The following SCFD2 variants were observed in gnomAD, a reference collection of about 807,000 sequenced individuals.
The protein encoded by SCFD2 is sec1 family domain containing 2, also known as sec1 family domain-containing protein 2.
SCFD2 carries 54 observed loss-of-function variants against 58.9 expected under a neutral mutation model. The ratio of observed to expected loss-of-function variants is 0.92; its 90% CI spans 0.74 to 1.15. SCFD2 has a LOEUF of 1.15. Ranked by LOEUF, SCFD2 falls within the 50% of genes most tolerant of loss-of-function variation. The pLI, the probability that SCFD2 is intolerant of heterozygous loss-of-function variation, is 0.00. For synonymous variants in SCFD2, 321 were observed against 335.9 expected, an observed-to-expected ratio of 0.96 and a Z score of 0.49; for missense variants, 805 against 836.6, an observed-to-expected ratio of 0.96 and a Z score of 0.47.
chr4:53,350,522 C>T (rs1412427889), intron 2 of SCFD2, among the ~76,000 whole-genome samples: 1 of 152,130 alleles, frequency 6.6e-6, no homozygotes, highest in African/African-American at 2.4e-5. Flanking sequence ...CCCTTTATTG[C>T]TTAAATTAGC....
At chr4:53,344,020 T>C (rs1309852439) in intron 2 of SCFD2, among the ~76,000 whole-genome samples, 2 of 152,114 alleles carry the variant, frequency 1.3e-5, no homozygotes, top group East Asian at 3.9e-4. Context: ...CTGGAAGCAT[T>C]CCCTTTGAAA....
chr4:53,196,737 C>A, intron 4 of SCFD2, among the ~76,000 whole-genome samples: 1 of 151,304 alleles, frequency 6.6e-6, no homozygotes, highest in African/African-American at 2.4e-5. Context: ...AAAGCAATAT[C>A]CATAAAAAGG....
At chr4:52,906,826 C>T (rs1719359307) in intron 7 of SCFD2, among the ~76,000 whole-genome samples, 1 of 152,196 alleles carries the variant, frequency 6.6e-6, no homozygotes. Context: ...ACTGAGAGGT[C>T]AGCCTGTAAT....
chr4:53,004,857 G>A (rs1721939348), intron 5 of SCFD2, among the ~76,000 whole-genome samples: 1 of 152,120 alleles, frequency 6.6e-6, no homozygotes, highest in Non-Finnish European at 1.5e-5. Flanking sequence ...CATTCCCCCA[G>A]CACCCATGAA....
chr4:53,052,435 A>C (rs1286006224), intron 5 of SCFD2, among the ~76,000 whole-genome samples: 1 of 152,210 alleles, frequency 6.6e-6, no homozygotes, highest in Non-Finnish European at 1.5e-5. Context: ...ACTGGCATCT[A>C]GTACATTCTC....
At chr4:53,110,789 T>G (rs1725147539) in intron 5 of SCFD2, among the ~76,000 whole-genome samples, 1 of 152,190 alleles carries the variant, frequency 6.6e-6, no homozygotes, top group Non-Finnish European at 1.5e-5. Context: ...CAATTCCTCA[T>G]GGATCTAGAA....
chr4:53,220,856 T>C (rs975706403), intron 4 of SCFD2, among the ~76,000 whole-genome samples: 1 of 152,240 alleles, frequency 6.6e-6, no homozygotes, highest in African/African-American at 2.4e-5. Context: ...AAGCCCTAAT[T>C]CAAATTACAT....
chr4:53,067,161 C>G (rs1723685274), intron 5 of SCFD2, among the ~76,000 whole-genome samples: 1 of 152,018 alleles, frequency 6.6e-6, no homozygotes, highest in Non-Finnish European at 1.5e-5. Flanking sequence ...TTTCCTTCTA[C>G]TTTTTATCTT....
intron 5 of SCFD2, among the ~76,000 whole-genome samples, chr4:52,935,833 TTTTTC>T (rs1036890655): frequency 1.3e-5 from 2 of 152,120 alleles, no homozygotes; most frequent in African/African-American, 2.4e-5. Context: ...CATCCTTTTC[TTTTTC>T]TTTTCTTTTA....
chr4:53,225,695 C>T (rs535608690), intron 4 of SCFD2, among the ~76,000 whole-genome samples: 2 of 152,184 alleles, frequency 1.3e-5, no homozygotes, highest in Non-Finnish European at 2.9e-5. Context: ...TATGATTATC[C>T]CCTCTAGTTT....
intron 3 of SCFD2, among the ~76,000 whole-genome samples, chr4:53,312,268 T>TC (rs1732714853): frequency 6.6e-6 from 1 of 152,132 alleles, no homozygotes; most frequent in Non-Finnish European, 1.5e-5. Flanking sequence ...CAAAACCACT[T>TC]CCGGCATTGG....
At position 53,365,168 on chromosome 4, in the gene SCFD2, G is replaced by A. The variant is rs139036739; in HGVS notation, c.774C>T (p.Asn258=). 1.9e-6 allele frequency: 3 copies of A among 1,614,120 alleles called. No individual in the cohort carries two copies. The African/African-American group carries it at 4.0e-5, about 22-fold the overall frequency. ...ADLANYAPAK[N]RKKTAAGRAS... is the part of the protein sequence containing the mutation. Reference sequence around the variant, plus strand: ...CCCTGCCTGCAGCAGTCTTCTTCCTGTTCTTTGCAGGGGCATAATTGGCCA... The same window carrying A: ...CCCTGCCTGCAGCAGTCTTCTTCCTATTCTTTGCAGGGGCATAATTGGCCA... Residue 258 remains asparagine (N), a synonymous_variant, in exon 1 of 9, where the codon AAC becomes AAT. Transcript: ENST00000401642. The surrounding 1 kb of genome is among the most constrained non-coding windows in gnomAD (Gnocchi z 4.3).
At chr4:52,896,641 T>G (rs1162488211) in intron 7 of SCFD2, among the ~76,000 whole-genome samples, 1 of 152,124 alleles carries the variant, frequency 6.6e-6, no homozygotes, top group Admixed American at 6.6e-5. Context: ...CTTGGCGATG[T>G]GGGCTCTTTT....
intron 5 of SCFD2, among the ~76,000 whole-genome samples, chr4:53,112,259 G>A (rs555825799): frequency 3.2e-4 from 49 of 152,222 alleles, no homozygotes; most frequent in African/African-American, 1.2e-3. Flanking sequence ...GGAGTTTTTT[G>A]AGGAAGGAAT....
intron 5 of SCFD2, among the ~76,000 whole-genome samples, chr4:52,929,610 A>G (rs1484134972): frequency 6.6e-6 from 1 of 152,206 alleles, no homozygotes; most frequent in Non-Finnish European, 1.5e-5. Context: ...CATCAGGAAT[A>G]CACTTCAGAA....
intron 4 of SCFD2, among the ~76,000 whole-genome samples, chr4:53,155,755 G>A (rs895335453): frequency 2.0e-5 from 3 of 152,112 alleles, no homozygotes; most frequent in South Asian, 2.1e-4. Flanking sequence ...TCATGTAATC[G>A]CATAAGCCAA....
At chr4:53,310,348 GA>G (rs1732654030) in intron 3 of SCFD2, among the ~76,000 whole-genome samples, 1 of 152,180 alleles carries the variant, frequency 6.6e-6, no homozygotes, top group Non-Finnish European at 1.5e-5. Context: ...AAACACTGGG[GA>G]ATATGTCCAC....
chr4:53,353,533 C>T (rs1734304620), intron 1 of SCFD2, among the ~76,000 whole-genome samples: 2 of 152,148 alleles, frequency 1.3e-5, no homozygotes, highest in South Asian at 2.1e-4. Flanking sequence ...CTGAGTGGTC[C>T]GTTTTACAGA....
intron 4 of SCFD2, among the ~76,000 whole-genome samples, chr4:53,252,783 CCCTAGAAGAAAA>C (rs1421725076): frequency 1.3e-5 from 2 of 152,132 alleles, no homozygotes; most frequent in Non-Finnish European, 2.9e-5. Context: ...ACCATAAAAA[CCCTAGAAGAAAA>C]CCTAGGCATT....
Sources: allele counts gnomAD v4.1 joint callset (sites outside exome capture counted in the v4.1 genomes callset), GRCh38; gene constraint gnomAD v4.1.1; non-coding constraint Gnocchi (gnomAD v3.1); transcripts MANE v1.5; gene names NCBI Gene and HGNC (gene_info 2026-07-23, HGNC 2026-07-21).